Variants in ACTR1B observed in about 807,000 individuals in gnomAD.
ACTR1B encodes beta-centractin.
Under a neutral mutation model 49.4 loss-of-function variants are expected in ACTR1B, and 34 were observed. That is an observed-to-expected ratio of 0.69 (90% CI 0.52 to 0.92). ACTR1B has a LOEUF of 0.92. Among genes scored for constraint, ACTR1B ranks in the 40% least tolerant of loss-of-function variants. The pLI is 0.00. For synonymous variants in ACTR1B, 207 were observed against 207.8 expected (o/e 1.00, Z 0.03); for missense variants, 471 against 522.4 (o/e 0.90, Z 0.96).
Position 97,658,127 on chromosome 2 carries a change from A to G in ACTR1B, c.751-10T>C. On this transcript the variant is annotated splice_polypyrimidine_tract_variant and intron_variant, in intron 7 of 10. Transcript: ENST00000289228. The surrounding 1 kb of genome is among the most constrained non-coding windows in gnomAD (Gnocchi z 5.9). ...ATCGTGCAGGCCCCACCTTTAGTGT[A>G]CAAGATTGAGGCAGACAGGCTTCCT... The G allele has an allele frequency of 2.5e-6, 4 of 1,613,712 alleles. No homozygotes were observed. Among genetic ancestry groups the G allele is most frequent in the Non-Finnish European group, 3.4e-6 (4 of 1,179,822 alleles).
intron 1 of ACTR1B, 141 bp downstream of exon 1, chr2:97,663,702 G>C: frequency 3.4e-6 from 1 of 290,964 alleles, no homozygotes. Context: ...GCGCCCCCGG[G>C]GCGAAGCCAG....
chr2:97,656,531 T>A lies in ACTR1B; in HGVS notation c.*327A>T, dbSNP rs1017308363. 1 of 294,290 alleles carries A rather than the reference T, an allele frequency of 3.4e-6. No homozygotes were observed. Among genetic ancestry groups the A allele is most frequent in the Non-Finnish European group, 6.5e-6 (1 of 153,556 alleles). 18.2% of individuals were successfully genotyped at this position (294,290 alleles called of 1,614,324 possible). On this transcript the variant is annotated 3_prime_UTR_variant, in exon 11 of 11. Coordinates refer to ENST00000289228, the MANE Select transcript of ACTR1B (RefSeq NM_005735.4). ...CCCAGGCATCCAGGCATTCTGGCCCTGGAGCTCAGGGAGGCAGCCCTGAGA... is the reference window on the plus strand; with the variant it reads ...CCCAGGCATCCAGGCATTCTGGCCCAGGAGCTCAGGGAGGCAGCCCTGAGA...
In ACTR1B at chr2:97,659,575, TCACCTGCCCTGACC is replaced by T; in HGVS notation, c.190-112_190-99del. ...ACCCTCACCTGCCCTGACCAGAACC[TCACCTGCCCTGACC>T]AGAACCACCCCTGCTCACTGGGTGT... On this transcript the variant is annotated intron_variant, in intron 3 of 10. Transcript: ENST00000289228. The surrounding 1 kb of genome is among the most constrained non-coding windows in gnomAD (Gnocchi z 4.0). 1.1e-5 allele frequency: 5 copies of T among 437,178 alleles called. No homozygotes were observed. The highest frequency in any genetic ancestry group is 2.3e-5 in the Non-Finnish European group (5 of 219,034). The allele number at this position is 437,178 out of a possible 1,614,324, so 27.1% of individuals were successfully genotyped here.
At chr2:97,662,068 G>C (rs1428861473) in intron 1 of ACTR1B, 122 bp from the exon 2 acceptor site, 17 of 958,152 alleles carry the variant, frequency 1.8e-5, no homozygotes, top group Non-Finnish European at 2.7e-5. Flanking sequence ...GACCCTGCCA[G>C]GATCATTTAC....
chr2:97,660,711 C>G, intron 2 of ACTR1B, 65 bp from the exon 3 acceptor site: 1 of 1,523,546 alleles, frequency 6.6e-7, no homozygotes, highest in Non-Finnish European at 9.1e-7. Flanking sequence ...TCCAGAAAAA[C>G]CGAAATCCAA....
At chr2:97,657,364 G>T in intron 9 of ACTR1B, 84 bp downstream of exon 9, 1 of 1,527,348 alleles carries the variant, frequency 6.5e-7, no homozygotes, top group Non-Finnish European at 9.1e-7. Flanking sequence ...CTGGTGAGCG[G>T]GTCTGGGGGC....
chr2:97,661,818 G>A, intron 2 of ACTR1B, 64 bp downstream of exon 2: 4 of 1,508,118 alleles, frequency 2.7e-6, no homozygotes, highest in Non-Finnish European at 3.6e-6. Flanking sequence ...CCCTGTGACA[G>A]AAGGCCAATG....
intron 1 of ACTR1B, among the ~76,000 whole-genome samples, chr2:97,662,283 A>G (rs192049891): frequency 3.0e-4 from 46 of 152,200 alleles, no homozygotes; most frequent in African/African-American, 9.4e-4. Flanking sequence ...CAGAATGTCA[A>G]TAATATAGAG....
Position 97,664,004 on chromosome 2 carries a change from T to C in ACTR1B, c.-114A>G, listed in dbSNP as rs1032050837. On this transcript the variant is annotated 5_prime_UTR_variant, in exon 1 of 11. Transcript: ENST00000289228. The stretch of plus-strand genomic sequence containing the variant: ...CCCGACGCGGCGCCGCTGCCCTCCC[T>C]CCCCGAGCCTGCAGCCTACGCGAGC... 2 of 549,126 alleles carry C rather than the reference T, an allele frequency of 3.6e-6. No individual in the cohort carries two copies. The highest frequency in any genetic ancestry group is 5.3e-6 in the Non-Finnish European group (2 of 377,512). The allele number at this position is 549,126 out of a possible 1,614,324, so 34.0% of individuals were successfully genotyped here.
Position 97,659,057 on chromosome 2 carries a change from A to T in ACTR1B, c.316-54T>A. On this transcript the variant is annotated intron_variant, in intron 4 of 10. Coordinates refer to ENST00000289228, the MANE Select transcript of ACTR1B (RefSeq NM_005735.4). The surrounding 1 kb of genome is among the most constrained non-coding windows in gnomAD (Gnocchi z 4.0). The stretch of plus-strand genomic sequence containing the variant: ...CAGAGGAGGCAACTTGCAAGGCCCT[A>T]AAAGGCTCTTTCCAGAGAACCACAC... 4 of 1,610,800 alleles carry T rather than the reference A, an allele frequency of 2.5e-6. No homozygotes were observed. The highest frequency in any genetic ancestry group is 3.4e-6 in the Non-Finnish European group (4 of 1,178,142).
At position 97,657,469 on chromosome 2, in the gene ACTR1B, G is replaced by A. The variant is rs1200464129; in HGVS notation, c.966C>T (p.Ala322=). The change falls in exon 9 of 11, where the codon GCC becomes GCT. Residue 322 remains alanine (A), a synonymous_variant. Coordinates refer to ENST00000289228, the MANE Select transcript of ACTR1B (RefSeq NM_005735.4). Reference sequence around the variant, plus strand: ...TCACCTTGATTTTGATATCCTTTGGGGCAAGCTTCTTCACTTCACTGAGTA... The same window carrying A: ...TCACCTTGATTTTGATATCCTTTGGAGCAAGCTTCTTCACTTCACTGAGTA... ...DRLLSEVKKL[A]PKDIKIKISA... The A allele has an allele frequency of 1.2e-6, 2 of 1,614,190 alleles. No individual in the cohort carries two copies. The highest frequency in any genetic ancestry group is 1.7e-6 in the Non-Finnish European group (2 of 1,180,028).
intron 1 of ACTR1B, 111 bp downstream of exon 1, chr2:97,663,732 G>C: frequency 1.8e-6 from 1 of 566,902 alleles, no homozygotes; most frequent in East Asian, 8.0e-5. Flanking sequence ...GGGGGCGACG[G>C]CCACGCAGTG....
At chr2:97,663,807 G>T (rs1434464503) in intron 1 of ACTR1B, 36 bp downstream of exon 1, 2 of 1,341,750 alleles carry the variant, frequency 1.5e-6, no homozygotes. Flanking sequence ...CCCCGGGGGC[G>T]GGGCGCCCGC....
At chr2:97,657,040 C>A in intron 10 of ACTR1B, 80 bp from the exon 11 acceptor site, 1 of 1,580,700 alleles carries the variant, frequency 6.3e-7, no homozygotes, top group Non-Finnish European at 8.6e-7. Flanking sequence ...GTTGCATTTC[C>A]CTAATTTGGG....
In ACTR1B at chr2:97,659,600, C is replaced by A; in HGVS notation, c.190-123G>T. 9.2e-6 allele frequency: 12 copies of A among 1,310,820 alleles called. No individual in the cohort carries two copies. Among genetic ancestry groups the A allele is most frequent in the Middle Eastern group, 2.3e-4 (1 of 4,352 alleles). 81.2% of individuals were successfully genotyped at this position (1,310,820 alleles called of 1,614,324 possible). A position where few individuals can be genotyped will look rare whatever the true frequency, so the allele number is the denominator to read the frequency against. ...TCACCTGCCCTGACCAGAACCACCC[C>A]TGCTCACTGGGTGTCCCAGGGTCTG... On this transcript the variant is annotated intron_variant, in intron 3 of 10. Coordinates refer to ENST00000289228, the MANE Select transcript of ACTR1B (RefSeq NM_005735.4). The surrounding 1 kb of genome is among the most constrained non-coding windows in gnomAD (Gnocchi z 4.0).
rs1674933976 is a variant in ACTR1B, at chr2:97,658,918, A to G, written c.401T>C (p.Val134Ala). 1 of 1,614,022 alleles carries G rather than the reference A, an allele frequency of 6.2e-7. No individual in the cohort carries two copies. Among genetic ancestry groups the G allele is most frequent in the Non-Finnish European group, 8.5e-7 (1 of 1,180,024 alleles). Residue 134 changes from valine (V) to alanine (A), a missense_variant, in exon 5 of 11, where the codon GTG becomes GCG. Coordinates refer to ENST00000289228, the MANE Select transcript of ACTR1B (RefSeq NM_005735.4). The surrounding 1 kb of genome is among the most constrained non-coding windows in gnomAD (Gnocchi z 5.9). ...CTGCATGGAGATGAACAGGGCCGGC[A>G]CGTTGAAGGTCTCAAAGAACACCTC... ...AAEVFFETFNVPALFISMQAV... is the reference protein window; with the variant it reads ...AAEVFFETFNAPALFISMQAV...
At chr2:97,660,478 C>T in intron 3 of ACTR1B, 93 bp downstream of exon 3, 1 of 1,301,200 alleles carries the variant, frequency 7.7e-7, no homozygotes, top group East Asian at 2.3e-5. Context: ...GAGGAGGTAC[C>T]CGGGAGGTCA....
At position 97,658,477 on chromosome 2, in the gene ACTR1B, C is replaced by G. The variant is rs1674917847; in HGVS notation, c.607G>C (p.Val203Leu). The G allele has an allele frequency of 6.2e-7, 1 of 1,614,160 alleles. No homozygotes were observed. Among genetic ancestry groups the G allele is most frequent in the African/African-American group, 1.3e-5 (1 of 75,040 alleles). ...YLRLLLRKEG[V>L]DFHTSAEFEV... Reference sequence around the variant, plus strand: ...AACTCAGCCGAGGTATGGAAGTCAACCCCTTCCTTGCGCAGCAGGAGTCGG... The same window carrying G: ...AACTCAGCCGAGGTATGGAAGTCAAGCCCTTCCTTGCGCAGCAGGAGTCGG... Residue 203 changes from valine to leucine, a missense_variant, in exon 6 of 11, where the codon GTT becomes CTT. Val to Leu is a conservative substitution (Grantham distance 32). Transcript: ENST00000289228. The surrounding 1 kb of genome is among the most constrained non-coding windows in gnomAD (Gnocchi z 5.9).
At chr2:97,663,158 C>G (rs1323219893) in intron 1 of ACTR1B, among the ~76,000 whole-genome samples, 4 of 152,232 alleles carry the variant, frequency 2.6e-5, no homozygotes, top group Non-Finnish European at 5.9e-5. Context: ...CCGAGCCCCA[C>G]TGCTGAAGGA....
Sources: allele counts gnomAD v4.1 joint callset (sites outside exome capture counted in the v4.1 genomes callset), GRCh38; gene constraint gnomAD v4.1.1; non-coding constraint Gnocchi (gnomAD v3.1); transcripts MANE v1.5; gene names NCBI Gene and HGNC (gene_info 2026-07-23, HGNC 2026-07-21).